Variants in TTC3 observed in about 807,000 individuals in gnomAD.
The protein encoded by TTC3 is tetratricopeptide repeat domain 3, also known as E3 ubiquitin-protein ligase TTC3.
Under a neutral mutation model 249.6 loss-of-function variants are expected in TTC3, and 180 were observed. The ratio of observed to expected loss-of-function variants is 0.72; its 90% CI spans 0.64 to 0.82. The LOEUF (loss-of-function observed/expected upper bound fraction) is 0.82, where lower values mean the gene tolerates loss of function less well. Among genes scored for constraint, TTC3 ranks in the 40% least tolerant of loss-of-function variants. TTC3 has a pLI of 0.00. For missense variants in TTC3, 2,061 were observed against 2,398.4 expected (o/e 0.86, Z 2.94); for synonymous variants, 717 against 805.0 (o/e 0.89, Z 1.85).
At chr21:37,185,368 T>C (rs901584315) in intron 36 of TTC3, among the ~76,000 whole-genome samples, 1 of 152,230 alleles carries the variant, frequency 6.6e-6, no homozygotes, top group South Asian at 2.1e-4. Flanking sequence ...CCACATCTTC[T>C]CATTTTGAAT....
intron 20 of TTC3, among the ~76,000 whole-genome samples, chr21:37,143,217 A>C (rs558263606): frequency 5.9e-5 from 9 of 152,182 alleles, no homozygotes; most frequent in African/African-American, 2.2e-4. Context: ...CACCAAAAGC[A>C]ATGGCAACAA....
chr21:37,152,687 T>G lies in TTC3; in HGVS notation c.2414-264T>G, dbSNP rs1339345091. 2.0e-5 allele frequency among the ~76,000 whole-genome samples: 3 copies of G among 152,284 alleles called. No individual in the cohort carries two copies. The East Asian group carries it at 5.8e-4, about 29-fold the overall frequency. ...GCCACCACGCCTGGCCTAGAGGAAC[T>G]AAGTTTCAAATGCTACTACATGAAT... is the stretch of plus-strand genomic sequence containing the variant. On this transcript the variant is annotated intron_variant, in intron 26 of 45. Coordinates refer to ENST00000355666, the Ensembl canonical transcript of TTC3.
At chr21:37,197,898 A>G (rs770391790) in exon 44 of TTC3, 1 of 1,613,502 alleles carries the variant, frequency 6.2e-7, no homozygotes. Context: ...CCAGGAAAGG[A>G]CAAGAGGACT....
At chr21:37,148,086 C>T (rs1031290662) in intron 22 of TTC3, among the ~76,000 whole-genome samples, 19 of 152,160 alleles carry the variant, frequency 1.2e-4, no homozygotes, top group African/African-American at 2.7e-4. Context: ...GATGTATAAA[C>T]GCTCTGGGCT....
At chr21:37,155,100 AGC>A (rs1427556327) in intron 27 of TTC3, among the ~76,000 whole-genome samples, 1 of 152,222 alleles carries the variant, frequency 6.6e-6, no homozygotes, top group Non-Finnish European at 1.5e-5. Context: ...AATGAGTTCA[AGC>A]ATGTTAATTA....
chr21:37,144,776 T>C (rs934273607), intron 21 of TTC3, 131 bp downstream of exon 21: 4 of 1,116,142 alleles, frequency 3.6e-6, no homozygotes, highest in Non-Finnish European at 5.0e-6. Flanking sequence ...CCCTCTACTG[T>C]CTAATGAGAA....
chr21:37,127,338 T>C (rs1197434466), intron 15 of TTC3, among the ~76,000 whole-genome samples: 2 of 152,156 alleles, frequency 1.3e-5, no homozygotes, highest in African/African-American at 4.8e-5. Context: ...CTCATTTGTT[T>C]TAAGTTGTGT....
chr21:37,084,928 G>A (rs1440842968), intron 1 of TTC3, among the ~76,000 whole-genome samples: 1 of 152,218 alleles, frequency 6.6e-6, no homozygotes, highest in Non-Finnish European at 1.5e-5. Context: ...GGGAAGTGGA[G>A]GTTGCAGTGA....
intron 1 of TTC3, among the ~76,000 whole-genome samples, chr21:37,074,410 C>T (rs2070524113): frequency 1.3e-5 from 2 of 152,188 alleles, no homozygotes; most frequent in South Asian, 2.1e-4. Context: ...TTTCCAGTGG[C>T]GCCCTGGACG....
intron 1 of TTC3, among the ~76,000 whole-genome samples, chr21:37,075,437 T>G (rs1260386789): frequency 6.6e-6 from 1 of 152,254 alleles, no homozygotes; most frequent in African/African-American, 2.4e-5. Context: ...AGTAGTAGAT[T>G]TGCCGGATTG....
At chr21:37,179,457 T>C (rs1207634639) in intron 35 of TTC3, among the ~76,000 whole-genome samples, 1 of 152,204 alleles carries the variant, frequency 6.6e-6, no homozygotes, top group Non-Finnish European at 1.5e-5. Flanking sequence ...CACAAAAGTT[T>C]TTACTTTGAG....
At chr21:37,117,412 C>A (rs1177897512) in intron 11 of TTC3, among the ~76,000 whole-genome samples, 1 of 152,092 alleles carries the variant, frequency 6.6e-6, no homozygotes, top group African/African-American at 2.4e-5. Flanking sequence ...ATGAGTCATT[C>A]TTTTGCTTGA....
intron 10 of TTC3, among the ~76,000 whole-genome samples, chr21:37,101,565 C>T (rs866111580): frequency 0.11 from 17 of 160 alleles, no homozygotes; most frequent in Admixed American, 0.25. Flanking sequence ...GGAAAAGGTA[C>T]ACTCGCCAGC....
chr21:37,075,518 G>T (rs549014959), intron 1 of TTC3, among the ~76,000 whole-genome samples: 8 of 152,216 alleles, frequency 5.3e-5, no homozygotes, highest in Non-Finnish European at 1.0e-4. Flanking sequence ...AATTTTCACT[G>T]TCACTGGTGT....
intron 35 of TTC3, among the ~76,000 whole-genome samples, chr21:37,182,501 T>A (rs2082846800): frequency 2.6e-5 from 4 of 152,224 alleles, no homozygotes; most frequent in Admixed American, 2.6e-4. Flanking sequence ...GGAGAGTAAG[T>A]GTGAACACTT....
chr21:37,172,679 C>G lies in TTC3; in HGVS notation c.4552C>G (p.Leu1518Val), dbSNP rs750502481. 3.7e-6 allele frequency: 6 copies of G among 1,613,986 alleles called. No individual in the cohort carries two copies. The South Asian group carries it at 5.5e-5, about 15-fold the overall frequency. Residue 1518 changes from leucine to valine, a missense_variant, in exon 35 of 46, where the codon CTT (leucine) becomes GTT (valine). Around this residue, in one of 3 missense-constraint regions of TTC3, gnomAD observed 1,040 missense variants for 1,186.1 expected, o/e 0.88. Transcript: ENST00000355666. ...GTATGAAAATTATGAGCAGATAAAA[C>G]TTAAGGGCTTAGAAGAGACCAGGGA...
chr21:37,074,904 C>G (rs1569308229), intron 1 of TTC3, among the ~76,000 whole-genome samples: 1 of 152,140 alleles, frequency 6.6e-6, no homozygotes, highest in Non-Finnish European at 1.5e-5. Flanking sequence ...GGGGAGCTAA[C>G]CAATCCATGA....
intron 16 of TTC3, among the ~76,000 whole-genome samples, chr21:37,129,809 C>T (rs1041820669): frequency 2.0e-5 from 3 of 152,084 alleles, no homozygotes; most frequent in Non-Finnish European, 2.9e-5. Flanking sequence ...GACTGGATAA[C>T]TAAAACTAAA....
At chr21:37,129,834 AG>A (rs1292061876) in intron 16 of TTC3, among the ~76,000 whole-genome samples, 3 of 152,160 alleles carry the variant, frequency 2.0e-5, no homozygotes, top group East Asian at 1.9e-4. Flanking sequence ...TTTTAGAGAC[AG>A]GGTCTTGCTC....
Sources: gnomAD v4.1 joint callset for allele counts (sites outside exome capture counted in the v4.1 genomes callset) on GRCh38, gnomAD v4.1.1 for gene constraint, gnomAD v4.1.1 regional missense constraint, MANE v1.5 for transcripts, NCBI Gene and HGNC (gene_info 2026-07-23, HGNC 2026-07-21) for gene names.